RYR2: variants seen among roughly 807,000 people sequenced by gnomAD.
RYR2 encodes the protein cardiac muscle ryanodine receptor-calcium release channel.
A neutral mutation model predicts 601.1 loss-of-function variants in RYR2; 227 were observed. The observed-to-expected ratio is 0.38, with a 90% CI of 0.34 to 0.42. The LOEUF (loss-of-function observed/expected upper bound fraction) is 0.42. RYR2 is among the 10% of genes least tolerant of loss of function. RYR2 has a pLI of 1.00. For synonymous variants in RYR2, 2,223 were observed against 2,175.1 expected (o/e 1.02, Z -0.61); for missense variants, 4,646 against 6,156.5 (o/e 0.75, Z 8.21).
chr1:237,248,764 T>A (rs1687157924), intron 1 of RYR2, among the ~76,000 whole-genome samples: 1 of 150,952 alleles, frequency 6.6e-6, no homozygotes, highest in Admixed American at 6.6e-5. Flanking sequence ...TGTACATTTT[T>A]TTTTTTTTTT....
chr1:237,378,154 A>G (rs1459151386), intron 8 of RYR2, among the ~76,000 whole-genome samples: 1 of 152,212 alleles, frequency 6.6e-6, no homozygotes, highest in Non-Finnish European at 1.5e-5. Flanking sequence ...TTTTAAAACC[A>G]TTAGATCTCA....
intron 29 of RYR2, among the ~76,000 whole-genome samples, chr1:237,589,570 T>A (rs1299198452): frequency 6.6e-6 from 1 of 152,192 alleles, no homozygotes; most frequent in Non-Finnish European, 1.5e-5. Flanking sequence ...AAGGGACTTA[T>A]CTAGGGCCCA....
chr1:237,807,184 C>A (rs532295147), intron 99 of RYR2, among the ~76,000 whole-genome samples: 1 of 152,132 alleles, frequency 6.6e-6, no homozygotes, highest in South Asian at 2.1e-4. Flanking sequence ...ATGGGTCTAG[C>A]GACAAAAAAG....
chr1:237,188,794 G>C (rs1679650898), intron 1 of RYR2, among the ~76,000 whole-genome samples: 1 of 152,146 alleles, frequency 6.6e-6, no homozygotes, highest in African/African-American at 2.4e-5. Context: ...ACTTGATCTA[G>C]GGAGTCTAGG....
chr1:237,363,738 G>GA (rs1699976029), intron 4 of RYR2, among the ~76,000 whole-genome samples: 1 of 152,046 alleles, frequency 6.6e-6, no homozygotes, highest in East Asian at 1.9e-4. Context: ...TTTTGTAGAA[G>GA]AAAAAAGAGC....
At chr1:237,380,399 TATATATATATATATATATATATAG>T in intron 8 of RYR2, among the ~76,000 whole-genome samples, 1 of 32,664 alleles carries the variant, frequency 3.1e-5, no homozygotes, top group African/African-American at 1.1e-4. Context: ...TATATATATA[TATATATATATATATATATATATAG>T]TAAATACGAA....
intron 19 of RYR2, among the ~76,000 whole-genome samples, chr1:237,493,511 G>A (rs1471302968): frequency 6.6e-6 from 1 of 152,052 alleles, no homozygotes; most frequent in Non-Finnish European, 1.5e-5. Context: ...GGAGTGCAGT[G>A]GCACGATCTC....
intron 71 of RYR2, among the ~76,000 whole-genome samples, chr1:237,714,673 G>GTTGA (rs950106240): frequency 6.6e-5 from 10 of 152,044 alleles, no homozygotes; most frequent in African/African-American, 1.9e-4. Flanking sequence ...AGAAGCAGAG[G>GTTGA]TTGATTGATT....
intron 1 of RYR2, among the ~76,000 whole-genome samples, chr1:237,084,422 A>G (rs1352113785): frequency 2.0e-5 from 3 of 152,188 alleles, no homozygotes; most frequent in African/African-American, 7.2e-5. Flanking sequence ...ATTGAATGGC[A>G]CTTGTAAGAA....
chr1:237,649,049 GT>G (rs1682456694), intron 49 of RYR2, among the ~76,000 whole-genome samples: 1 of 152,160 alleles, frequency 6.6e-6, no homozygotes, highest in African/African-American at 2.4e-5. Context: ...TGGTATCTTC[GT>G]TTGTTAAGGT....
At chr1:237,304,737 A>G (rs548631554) in intron 2 of RYR2, among the ~76,000 whole-genome samples, 1 of 152,316 alleles carries the variant, frequency 6.6e-6, no homozygotes, top group African/African-American at 2.4e-5. Context: ...CTTTATATGA[A>G]TGTCATTTCA....
At chr1:237,615,983 G>A (rs1013359579) in intron 37 of RYR2, among the ~76,000 whole-genome samples, 3 of 151,098 alleles carry the variant, frequency 2.0e-5, no homozygotes, top group African/African-American at 7.4e-5. Context: ...GCCCAGCAAA[G>A]GTCCTGAGGC....
chr1:237,639,577 C>A (rs973618168), intron 46 of RYR2, among the ~76,000 whole-genome samples: 1 of 152,130 alleles, frequency 6.6e-6, no homozygotes, highest in African/African-American at 2.4e-5. Context: ...TAGAAAGAGA[C>A]CTTTCGCAAA....
intron 1 of RYR2, among the ~76,000 whole-genome samples, chr1:237,086,554 A>T (rs1666354119): frequency 6.6e-6 from 1 of 151,968 alleles, no homozygotes; most frequent in Non-Finnish European, 1.5e-5. Flanking sequence ...TGTTACCTTT[A>T]TCTTACTATG....
chr1:237,660,975 A>G (rs751899114), intron 56 of RYR2, 28 bp downstream of exon 56: 30 of 1,342,178 alleles, frequency 2.2e-5, no homozygotes, highest in Non-Finnish European at 2.9e-5. Context: ...TGATGAATCA[A>G]CTGTTTATGT....
chr1:237,096,737 G>GTGGTAA (rs1487949987), intron 1 of RYR2, among the ~76,000 whole-genome samples: 5 of 152,202 alleles, frequency 3.3e-5, no homozygotes, highest in Non-Finnish European at 7.3e-5. Flanking sequence ...ACTTGGACAA[G>GTGGTAA]AGATGAAAGT....
chr1:237,786,532 A>G (rs1052806057), intron 91 of RYR2, among the ~76,000 whole-genome samples: 1 of 152,220 alleles, frequency 6.6e-6, no homozygotes. Context: ...CCTGGGCCCC[A>G]AGCCATAGAT....
chr1:237,517,635 TA>T lies in RYR2; in HGVS notation c.2822+5856del, dbSNP rs35575473. Reference sequence around the variant, plus strand: ...GCTCCATGAAGCCAGGAACTATAATTAAAAAAAAAAAAGGTTTTATTTTTTA... The same window carrying T: ...GCTCCATGAAGCCAGGAACTATAATTAAAAAAAAAAAGGTTTTATTTTTTA... On this transcript the variant is annotated intron_variant, in intron 24 of 104. Transcript: ENST00000366574. Among the ~76,000 whole-genome samples, 302 of 142,352 alleles carry T rather than the reference TA, an allele frequency of 2.1e-3. 1 individual carries two copies. Among genetic ancestry groups the T allele is most frequent in the East Asian group, 0.014 (67 of 4,922 alleles). 93.4% of individuals were successfully genotyped at this position (142,352 alleles called of 152,430 possible).
intron 16 of RYR2, among the ~76,000 whole-genome samples, chr1:237,461,910 GAAAAGGGT>G (rs1659525768): frequency 6.6e-6 from 1 of 151,878 alleles, no homozygotes; most frequent in Non-Finnish European, 1.5e-5. Context: ...TTCATGACCA[GAAAAGGGT>G]AACAAATACA....
Sources: gnomAD v4.1 joint callset for allele counts (sites outside exome capture counted in the v4.1 genomes callset) on GRCh38, gnomAD v4.1.1 for gene constraint, MANE v1.5 for transcripts, NCBI Gene and HGNC (gene_info 2026-07-23, HGNC 2026-07-21) for gene names.